LRRN4: variants seen among roughly 807,000 people sequenced by gnomAD.
The protein encoded by LRRN4 is leucine-rich repeat neuronal protein 4.
Under a neutral mutation model 22.3 loss-of-function variants are expected in LRRN4, and 26 were observed. The observed-to-expected ratio is 1.16, with a 90% CI of 0.85 to 1.62. The LOEUF (loss-of-function observed/expected upper bound fraction) is 1.62, where lower values mean the gene tolerates loss of function less well. Among genes scored for constraint, LRRN4 ranks in the 40% most tolerant of loss-of-function variants. LRRN4 has a pLI of 0.00. For synonymous variants in LRRN4, 496 were observed against 486.2 expected (o/e 1.02, Z -0.26); for missense variants, 1,070 against 1,008.5 (o/e 1.06, Z -0.83).
chr20:6,052,057 A>G (rs1981259591), intron 2 of LRRN4, 88 bp downstream of exon 2: 1 of 1,449,240 alleles, frequency 6.9e-7, no homozygotes, highest in African/African-American at 1.5e-5. Context: ...TCACCCCTCG[A>G]GGAAGAACGC....
At chr20:6,047,353 A>AT (rs1981123470) in intron 3 of LRRN4, among the ~76,000 whole-genome samples, 1 of 152,018 alleles carries the variant, frequency 6.6e-6, no homozygotes, top group Non-Finnish European at 1.5e-5. Context: ...ATTTACAATC[A>AT]TTAAAATGAT....
intron 3 of LRRN4, 128 bp downstream of exon 3, chr20:6,050,651 A>G: frequency 1.0e-6 from 1 of 962,822 alleles, no homozygotes; most frequent in Non-Finnish European, 1.6e-6. Context: ...GGGGGAAAAC[A>G]AAGCCCCAGA....
rs147193612 is a variant in LRRN4 at position 6,042,011 on chromosome 20, C to T, written c.1234G>A (p.Val412Met). The change falls in exon 5 of 5, where the codon GTG (valine) becomes ATG (methionine). Residue 412 changes from valine to methionine, a missense_variant. By Grantham distance (21) the Val-to-Met change is conservative. Coordinates refer to ENST00000378858, the MANE Select transcript of LRRN4 (RefSeq NM_152611.5). ...CATGCAGCTATCGTGCGAGAGCCCA[C>T]GTTAGGGGCCTTGGAGACACTCTGC... The part of the protein sequence containing the change: ...DQQSVSKAPN[V>M]GSRTIAAWPH... 2,173 of 1,613,868 alleles carry T rather than the reference C, an allele frequency of 1.3e-3. 2 individuals are homozygous for T. The highest frequency in any genetic ancestry group is 1.5e-3 in the Non-Finnish European group (1,826 of 1,179,980).
chr20:6,046,727 A>G (rs1490742908), intron 3 of LRRN4, among the ~76,000 whole-genome samples: 1 of 149,064 alleles, frequency 6.7e-6, no homozygotes, highest in African/African-American at 2.4e-5. Flanking sequence ...ACTTCTGGCC[A>G]GTAGGAAAGT....
rs760786189 is a variant in LRRN4, at chr20:6,052,106, C to T, written c.655+39G>A. 9 of 1,548,030 alleles carry T rather than the reference C, an allele frequency of 5.8e-6. No homozygotes were observed. The South Asian group carries it at 1.1e-4, about 19-fold the overall frequency. On this transcript the variant is annotated intron_variant, in intron 2 of 4. Coordinates refer to ENST00000378858, the MANE Select transcript of LRRN4 (RefSeq NM_152611.5). The stretch of plus-strand genomic sequence containing the variant: ...GGAGCGCACGCGCAGCCTGGCTCTG[C>T]GCTCAGGCCGGCTGAAAACGCGGGG...
chr20:6,044,621 T>C lies in LRRN4; in HGVS notation c.920A>G (p.Asn307Ser). The C allele has an allele frequency of 6.3e-7, 1 of 1,595,010 alleles. No homozygotes were observed. Among genetic ancestry groups the C allele is most frequent in the South Asian group, 1.2e-5 (1 of 86,274 alleles). ...TLDSSQVLSI[N>S]LFGNPLTCSC... ...GCAAGTGAGGGGGTTGCCAAAGAGG[T>C]TGATCGATAGGACCTGGGAGGAATC... Residue 307 changes from asparagine to serine, a missense_variant, in exon 4 of 5, where the codon AAC becomes AGC. Coordinates refer to ENST00000378858, the MANE Select transcript of LRRN4 (RefSeq NM_152611.5).
Position 6,041,683 on chromosome 20 carries a change from A to G in LRRN4, c.1562T>C (p.Val521Ala), listed in dbSNP as rs1283390440. The G allele has an allele frequency of 6.2e-7, 1 of 1,612,808 alleles. No individual in the cohort carries two copies. Among genetic ancestry groups the G allele is most frequent in the Admixed American group, 1.7e-5 (1 of 59,952 alleles). The change falls in exon 5 of 5, where the codon GTC (valine) becomes GCC (alanine). Residue 521 changes from valine (V) to alanine (A), a missense_variant. Val to Ala is a moderately conservative substitution (Grantham distance 64). Coordinates refer to ENST00000378858, the MANE Select transcript of LRRN4 (RefSeq NM_152611.5). The surrounding 1 kb of genome is among the most constrained non-coding windows in gnomAD (Gnocchi z 9.4). ...NPSLSEGEIP[V>A]LLLDDYSEEE... ...CTCACTGTAGTCGTCCAGCAGCAAG[A>G]CTGGAATCTCGCCCTCGGAAAGACT...
In LRRN4 at chr20:6,042,131, C is replaced by G. The variant is rs761193242; in HGVS notation, c.1114G>C (p.Ala372Pro). ...CGGTTGAAGCAAGGTGGGTGTGAAG[C>G]CCCGAGAGTGGTGCTTTGGTCGGAC... ...CQSDQSTTLG[A>P]SHPPCFNRST... The change falls in exon 5 of 5, where the codon GCT (alanine) becomes CCT (proline). Residue 372 changes from alanine to proline, a missense_variant. Physicochemically the swap from Ala to Pro is conservative, Grantham distance 27 (BLOSUM62 -1). Transcript: ENST00000378858. 1 of 1,614,010 alleles carries G rather than the reference C, an allele frequency of 6.2e-7. No individual in the cohort carries two copies. The highest frequency in any genetic ancestry group is 1.3e-5 in the African/African-American group (1 of 74,906).
chr20:6,047,055 T>C (rs1981116884), intron 3 of LRRN4, among the ~76,000 whole-genome samples: 1 of 152,148 alleles, frequency 6.6e-6, no homozygotes, highest in Non-Finnish European at 1.5e-5. Context: ...GTAGACAGCA[T>C]GTTACATGTT....
Position 6,052,295 on chromosome 20 carries a change from A to G in LRRN4, c.505T>C (p.Phe169Leu). The stretch of plus-strand genomic sequence containing the variant: ...AGGTTGAGGAGCTGCAGCGCGGGGA[A>G]GCAGGCGAAGGCCCGGGGCTGCAGC... ...RALQPRAFAC[F>L]PALQLLNLSC... The change falls in exon 2 of 5, where the codon TTC becomes CTC. Residue 169 changes from phenylalanine to leucine, a missense_variant. Transcript: ENST00000378858. 2 of 1,535,050 alleles carry G rather than the reference A, an allele frequency of 1.3e-6. No individual in the cohort carries two copies. The highest frequency in any genetic ancestry group is 1.7e-6 in the Non-Finnish European group (2 of 1,143,844).
intron 3 of LRRN4, 87 bp downstream of exon 3, chr20:6,050,692 T>G (rs1024239182): frequency 7.0e-6 from 9 of 1,285,136 alleles, no homozygotes; most frequent in Admixed American, 1.8e-5. Flanking sequence ...GGAGAAAAAT[T>G]AAGGTCTGGT....
chr20:6,050,809 G>T lies in LRRN4; in HGVS notation c.830C>A (p.Thr277Asn). 6.2e-7 allele frequency: 1 copy of T among 1,613,778 alleles called. No homozygotes were observed. Among genetic ancestry groups the T allele is most frequent in the Non-Finnish European group, 8.5e-7 (1 of 1,179,926 alleles). ...GAACAGAAGGACCTGTAGATGTGGA[G>T]TATCTTGAAAGATGTGTGTGGCGAC... is the stretch of plus-strand genomic sequence containing the variant. ...ASVATHIFQDTPHLQVLLFQN... is the reference protein window; with the variant it reads ...ASVATHIFQDNPHLQVLLFQN... Residue 277 changes from threonine (T) to asparagine (N), a missense_variant, in exon 3 of 5, where the codon ACT (threonine) becomes AAT (asparagine). By Grantham distance (65) the Thr-to-Asn change is moderately conservative (BLOSUM62 0). Coordinates refer to ENST00000378858, the MANE Select transcript of LRRN4 (RefSeq NM_152611.5).
In LRRN4 at chr20:6,044,471, T is replaced by G. The variant is rs562874783; in HGVS notation, c.998+72A>C. 22 of 1,327,576 alleles carry G rather than the reference T, an allele frequency of 1.7e-5. No homozygotes were observed. The African/African-American group carries it at 1.8e-4, about 11-fold the overall frequency. The allele number at this position is 1,327,576 out of a possible 1,614,324, so 82.2% of individuals were successfully genotyped here. Reference sequence around the variant, plus strand: ...GCCAAGCATGGTCACATGAGCAAGATGTAAGCTGGAGAACTTCAGCTCCTG... The same window carrying G: ...GCCAAGCATGGTCACATGAGCAAGAGGTAAGCTGGAGAACTTCAGCTCCTG... On this transcript the variant is annotated intron_variant, in intron 4 of 4. Transcript: ENST00000378858.
chr20:6,041,837 C>T lies in LRRN4; in HGVS notation c.1408G>A (p.Asp470Asn), dbSNP rs1194758707. 1.9e-6 allele frequency: 3 copies of T among 1,614,006 alleles called. No individual in the cohort carries two copies. The highest frequency in any genetic ancestry group is 2.7e-5 in the African/African-American group (2 of 74,906). ...AGTGGGGTGGAGGCAGCTGAGATATCAGGCTCAAGGACAAGCTCGGGGGCA... is the reference window on the plus strand; with the variant it reads ...AGTGGGGTGGAGGCAGCTGAGATATTAGGCTCAAGGACAAGCTCGGGGGCA... ...EHAPELVLEP[D>N]ISAASTPLAS... Residue 470 changes from aspartate (D) to asparagine (N), a missense_variant, in exon 5 of 5, where the codon GAT becomes AAT. Coordinates refer to ENST00000378858, the MANE Select transcript of LRRN4 (RefSeq NM_152611.5). The surrounding 1 kb of genome is among the most constrained non-coding windows in gnomAD (Gnocchi z 9.4).
rs1980891947 is a variant in LRRN4 at position 6,040,569 on chromosome 20, T to C, written c.*453A>G. Among the ~76,000 whole-genome samples the C allele has an allele frequency of 6.6e-6, 1 of 152,246 alleles. No individual in the cohort carries two copies. Among genetic ancestry groups the C allele is most frequent in the African/African-American group, 2.4e-5 (1 of 41,468 alleles). On this transcript the variant is annotated 3_prime_UTR_variant, in exon 5 of 5. Transcript: ENST00000378858. ...AATCCACTGGAATTGATTTCTTGAA[T>C]AACAGAGCTCGTTGTGTCTTAGAGC... is the stretch of plus-strand genomic sequence containing the variant.
In LRRN4 at chr20:6,041,093, C is replaced by T. The variant is rs1315530194; in HGVS notation, c.2152G>A (p.Asp718Asn). Residue 718 changes from aspartate to asparagine, a missense_variant, in exon 5 of 5, where the codon GAC becomes AAC. Physicochemically the swap from Asp to Asn is conservative, Grantham distance 23 (BLOSUM62 1). Coordinates refer to ENST00000378858, the MANE Select transcript of LRRN4 (RefSeq NM_152611.5). This position sits in a 1 kb window ranked among gnomAD's most constrained non-coding sequence, Gnocchi z 9.4. ...RGQTLGLQRC[D>N]THLVAYKNPA... The stretch of plus-strand genomic sequence containing the variant: ...TTTTTGTAGGCCACCAGGTGCGTGT[C>T]GCAGCGCTGCAGGCCCAGCGTCTGG... 3 of 1,613,360 alleles carry T rather than the reference C, an allele frequency of 1.9e-6. No individual in the cohort carries two copies. The highest frequency in any genetic ancestry group is 1.3e-5 in the African/African-American group (1 of 74,936).
chr20:6,042,132 CCCGAGAGTGGTGCTTTGGT>C lies in LRRN4; in HGVS notation c.1094_1112del (p.Asp365GlyfsTer47). On this transcript the variant is annotated frameshift_variant, in exon 5 of 5. Coordinates refer to ENST00000378858, the MANE Select transcript of LRRN4 (RefSeq NM_152611.5). LOFTEE classifies it low-confidence loss of function (END_TRUNC). The stretch of plus-strand genomic sequence containing the variant: ...GGTTGAAGCAAGGTGGGTGTGAAGC[CCCGAGAGTGGTGCTTTGGT>C]CGGACTGGCACACTCCGGGCAGCTG... 6.2e-7 allele frequency: 1 copy of C among 1,614,124 alleles called. No individual in the cohort carries two copies. The highest frequency in any genetic ancestry group is 1.1e-5 in the South Asian group (1 of 91,088).
chr20:6,046,903 T>G (rs900271123), intron 3 of LRRN4, among the ~76,000 whole-genome samples: 1 of 151,342 alleles, frequency 6.6e-6, no homozygotes, highest in Admixed American at 6.6e-5. Context: ...AATCAGTATT[T>G]TTGTGTGTGT....
chr20:6,050,943 G>A lies in LRRN4; in HGVS notation c.696C>T (p.Ser232=). 1.2e-6 allele frequency: 2 copies of A among 1,614,136 alleles called. No individual in the cohort carries two copies. Among genetic ancestry groups the A allele is most frequent in the South Asian group, 1.1e-5 (1 of 91,076 alleles). ...GCCGAGGCATCTTCCTCAGGTAGAG[G>A]GATGTGAGCTTCGGCAGGTCTCTGA... The part of the protein sequence containing the change: ...GWIRDLPKLT[S]LYLRKMPRLT... Residue 232 remains serine, a synonymous_variant, in exon 3 of 5, where the codon TCC becomes TCT. Transcript: ENST00000378858.
Sources: gnomAD v4.1 joint callset for allele counts (sites outside exome capture counted in the v4.1 genomes callset) on GRCh38, gnomAD v4.1.1 for gene constraint, Gnocchi (gnomAD v3.1) non-coding constraint, MANE v1.5 for transcripts, NCBI Gene and HGNC (gene_info 2026-07-23, HGNC 2026-07-21) for gene names.